Variants in KCNH5 observed in about 807,000 individuals in gnomAD.
KCNH5 encodes the protein potassium voltage-gated channel subfamily H member 5, also known as voltage-gated delayed rectifier potassium channel KCNH5.
In KCNH5, 46 loss-of-function variants were observed where a neutral mutation model predicts 96.1. The observed-to-expected ratio is 0.48, with a 90% CI of 0.38 to 0.61. KCNH5 has a LOEUF of 0.61. KCNH5 is among the 20% of genes least tolerant of loss of function. KCNH5 has a pLI of 0.00. For synonymous variants in KCNH5, 439 were observed against 449.8 expected, an observed-to-expected ratio of 0.98 and a Z score of 0.30; for missense variants, 907 against 1,225.8, an observed-to-expected ratio of 0.74 and a Z score of 3.88.
At chr14:62,903,680 T>TA (rs146926221) in intron 7 of KCNH5, among the ~76,000 whole-genome samples, 3,652 of 151,752 alleles carry the variant, frequency 0.024, 68 homozygotes, top group East Asian at 0.081. Context: ...AAACAAACGT[T>TA]AAAAAAAACC....
chr14:62,881,819 G>C (rs1595668716), intron 7 of KCNH5, among the ~76,000 whole-genome samples: 4 of 150,852 alleles, frequency 2.7e-5, no homozygotes, highest in African/African-American at 9.7e-5. Flanking sequence ...GAGTGATAAA[G>C]TCTTATACTA....
At position 62,699,863 on chromosome 14, in the gene KCNH5, T is replaced by C. The variant is rs1272002440; in HGVS notation, c.*7645A>G. ...GAAAAAAGGATCTGCTTAGCATGAA[T>C]CAGATTTTGAAAAAAGCCAACAAGT... On this transcript the variant is annotated 3_prime_UTR_variant, in exon 11 of 11. Coordinates refer to ENST00000322893, the MANE Select transcript of KCNH5 (RefSeq NM_139318.5). The C allele has an allele frequency of 1.3e-5, 2 of 152,150 alleles. No individual in the cohort carries two copies. The highest frequency in any genetic ancestry group is 4.8e-5 in the African/African-American group (2 of 41,446). 9.4% of individuals were successfully genotyped at this position (152,150 alleles called of 1,614,324 possible).
At chr14:62,986,085 C>A (rs1377396975) in intron 5 of KCNH5, among the ~76,000 whole-genome samples, 1 of 152,182 alleles carries the variant, frequency 6.6e-6, no homozygotes, top group Non-Finnish European at 1.5e-5. Flanking sequence ...CACTATCCTG[C>A]TGACAACCGT....
intron 7 of KCNH5, among the ~76,000 whole-genome samples, chr14:62,859,692 A>G (rs1041267740): frequency 6.6e-6 from 1 of 152,358 alleles, no homozygotes; most frequent in East Asian, 1.9e-4. Flanking sequence ...AAAGTGCATA[A>G]CCAGGTGGCC....
At chr14:62,778,006 T>C (rs1253654315) in intron 10 of KCNH5, among the ~76,000 whole-genome samples, 1 of 152,202 alleles carries the variant, frequency 6.6e-6, no homozygotes, top group Non-Finnish European at 1.5e-5. Flanking sequence ...AGTATTCTCA[T>C]GTGATTTGAA....
At chr14:62,896,844 T>C (rs1888823400) in intron 7 of KCNH5, among the ~76,000 whole-genome samples, 1 of 152,200 alleles carries the variant, frequency 6.6e-6, no homozygotes, top group Admixed American at 6.5e-5. Context: ...GTATGTACAA[T>C]ACTGCATTGC....
intron 10 of KCNH5, among the ~76,000 whole-genome samples, chr14:62,765,904 T>G (rs2139960678): frequency 6.6e-6 from 1 of 152,172 alleles, no homozygotes; most frequent in Non-Finnish European, 1.5e-5. Context: ...AGTGAAGAGA[T>G]AACTCACAGA....
At chr14:62,799,726 T>TATATATACATATAC (rs1213484157) in intron 9 of KCNH5, among the ~76,000 whole-genome samples, 7 of 68,664 alleles carry the variant, frequency 1.0e-4, no homozygotes, top group Non-Finnish European at 2.0e-4. Flanking sequence ...TATATATATA[T>TATATATACATATAC]ACACACACAC....
intron 5 of KCNH5, among the ~76,000 whole-genome samples, chr14:62,986,366 C>T (rs889063778): frequency 2.0e-5 from 3 of 152,156 alleles, no homozygotes; most frequent in African/African-American, 7.2e-5. Context: ...GCACATGAGA[C>T]ACCAACCACC....
intron 8 of KCNH5, among the ~76,000 whole-genome samples, chr14:62,809,921 G>A (rs1886839928): frequency 1.3e-5 from 2 of 151,870 alleles, no homozygotes; most frequent in Admixed American, 1.3e-4. Context: ...AAGAGGGATG[G>A]GTAATATAAA....
At chr14:62,769,015 C>T (rs1051063758) in intron 10 of KCNH5, among the ~76,000 whole-genome samples, 2 of 152,228 alleles carry the variant, frequency 1.3e-5, no homozygotes, top group Non-Finnish European at 2.9e-5. Context: ...CATCTAAATG[C>T]ACATGACAAA....
chr14:62,782,676 T>TG (rs1278797207), intron 9 of KCNH5, among the ~76,000 whole-genome samples: 1 of 151,970 alleles, frequency 6.6e-6, no homozygotes, highest in African/African-American at 2.4e-5. Context: ...CCGGGCGTGG[T>TG]GGTGGGTGCC....
At chr14:62,949,803 T>TG (rs1219055674) in intron 7 of KCNH5, 1 of 161,202 alleles carries the variant, frequency 6.2e-6, no homozygotes, top group Non-Finnish European at 1.1e-5. Flanking sequence ...CCTATCTCTT[T>TG]TTTTTTTTTT....
chr14:62,907,191 A>C (rs1392181599), intron 7 of KCNH5, among the ~76,000 whole-genome samples: 1 of 152,034 alleles, frequency 6.6e-6, no homozygotes, highest in Non-Finnish European at 1.5e-5. Context: ...GTTGGCTTGG[A>C]TGTGGAATCT....
intron 7 of KCNH5, among the ~76,000 whole-genome samples, chr14:62,890,575 T>C (rs1888688976): frequency 2.0e-5 from 3 of 150,928 alleles, no homozygotes; most frequent in Admixed American, 1.3e-4. Flanking sequence ...GGCAGGCGCC[T>C]GTAGTCCCAG....
At chr14:62,876,962 A>C (rs188170785) in intron 7 of KCNH5, among the ~76,000 whole-genome samples, 18 of 152,338 alleles carry the variant, frequency 1.2e-4, no homozygotes, top group African/African-American at 4.1e-4. Flanking sequence ...AAAGCTAGAA[A>C]TTTCTAAAAG....
At chr14:62,916,645 T>C (rs764799267) in intron 7 of KCNH5, among the ~76,000 whole-genome samples, 2 of 152,176 alleles carry the variant, frequency 1.3e-5, no homozygotes, top group African/African-American at 2.4e-5. Flanking sequence ...TCTGAAAACC[T>C]CCAAGCCAGA....
intron 7 of KCNH5, among the ~76,000 whole-genome samples, chr14:62,869,306 CA>C (rs1888202069): frequency 1.3e-5 from 2 of 151,592 alleles, no homozygotes; most frequent in Non-Finnish European, 2.9e-5. Flanking sequence ...AGCTTTTTTT[CA>C]TGTTTTTTGG....
At chr14:62,927,654 C>T (rs968246848) in intron 7 of KCNH5, among the ~76,000 whole-genome samples, 2 of 152,074 alleles carry the variant, frequency 1.3e-5, no homozygotes, top group Admixed American at 6.6e-5. Context: ...TACTTTTATT[C>T]TACTTCTATG....
Sources: gnomAD v4.1 joint callset for allele counts (sites outside exome capture counted in the v4.1 genomes callset) on GRCh38, gnomAD v4.1.1 for gene constraint, MANE v1.5 for transcripts, NCBI Gene and HGNC (gene_info 2026-07-23, HGNC 2026-07-21) for gene names.